The following ROR2 variants were observed in gnomAD, a reference collection of about 807,000 sequenced individuals.
ROR2 encodes ROR family WNT receptor 2.
In ROR2, 33 loss-of-function variants were observed where a neutral mutation model predicts 74.9. The ratio of observed to expected loss-of-function variants is 0.44; its 90% CI spans 0.33 to 0.59. ROR2 has a LOEUF of 0.59. ROR2 is among the 20% of genes least tolerant of loss of function. The pLI is 0.02. For missense variants in ROR2, 1,216 were observed against 1,313.8 expected (o/e 0.93, Z 1.15); for synonymous variants, 586 against 558.7 (o/e 1.05, Z -0.69).
At chr9:91,808,154 T>C (rs10992116) in intron 1 of ROR2, among the ~76,000 whole-genome samples, 19,975 of 152,136 alleles carry the variant, frequency 0.13, 2,433 homozygotes, top group East Asian at 0.31. Context: ...GTGCATATGA[T>C]GACAGTAAAA....
At chr9:91,812,550 T>C (rs1325590351) in intron 1 of ROR2, among the ~76,000 whole-genome samples, 1 of 148,464 alleles carries the variant, frequency 6.7e-6, no homozygotes, top group Non-Finnish European at 1.5e-5. Flanking sequence ...GTGTGGCCTG[T>C]CCTCCCCGCC....
chr9:91,911,729 C>CA (rs1285114928), intron 1 of ROR2, among the ~76,000 whole-genome samples: 1 of 152,034 alleles, frequency 6.6e-6, no homozygotes, highest in African/African-American at 2.4e-5. Context: ...TACTCACACT[C>CA]AAAGTATCTT....
intron 1 of ROR2, among the ~76,000 whole-genome samples, chr9:91,949,111 C>T (rs1170066625): frequency 2.0e-5 from 3 of 150,782 alleles, no homozygotes; most frequent in Admixed American, 2.0e-4. Flanking sequence ...TCCTACAGGT[C>T]CCGGGGGTCC....
intron 1 of ROR2, among the ~76,000 whole-genome samples, chr9:91,816,056 A>C (rs188490952): frequency 4.2e-4 from 64 of 152,196 alleles, no homozygotes; most frequent in Non-Finnish European, 3.1e-4. Context: ...GCTCAAGGCA[A>C]ACACCCGATG....
At chr9:91,774,880 G>T (rs57129550) in intron 2 of ROR2, among the ~76,000 whole-genome samples, 1 of 152,128 alleles carries the variant, frequency 6.6e-6, no homozygotes, top group African/African-American at 2.4e-5. Flanking sequence ...AGACCAGAAG[G>T]GTCAATTTCT....
intron 4 of ROR2, 102 bp from the exon 5 acceptor site, chr9:91,737,620 A>C (rs778904669): frequency 8.6e-6 from 13 of 1,511,668 alleles, no homozygotes; most frequent in African/African-American, 1.4e-5. Context: ...CAATTTTGTT[A>C]CTTGGTATTT....
intron 4 of ROR2, among the ~76,000 whole-genome samples, chr9:91,754,060 G>A (rs1448922537): frequency 1.3e-5 from 2 of 152,036 alleles, no homozygotes; most frequent in Non-Finnish European, 2.9e-5. Context: ...TTATGACAAG[G>A]GAGGCAGGAG....
intron 6 of ROR2, among the ~76,000 whole-genome samples, chr9:91,732,048 G>T (rs1421540200): frequency 6.6e-6 from 1 of 152,134 alleles, no homozygotes; most frequent in African/African-American, 2.4e-5. Flanking sequence ...CTTGTCCAGG[G>T]TCACAATGAG....
chr9:91,862,281 C>T (rs922430209), intron 1 of ROR2, among the ~76,000 whole-genome samples: 1 of 151,840 alleles, frequency 6.6e-6, no homozygotes, highest in Non-Finnish European at 1.5e-5. Flanking sequence ...AGTGAGCTGA[C>T]ATCACGCCAC....
At chr9:91,760,045 C>T (rs894640011) in intron 2 of ROR2, among the ~76,000 whole-genome samples, 12 of 152,234 alleles carry the variant, frequency 7.9e-5, no homozygotes, top group African/African-American at 2.9e-4. Context: ...CTCTAACCTC[C>T]CCACACTTCT....
intron 6 of ROR2, among the ~76,000 whole-genome samples, chr9:91,731,720 G>A (rs1338876922): frequency 2.6e-5 from 4 of 152,162 alleles, no homozygotes; most frequent in African/African-American, 7.2e-5. Context: ...TTCAAGACCA[G>A]CCTGGCCAAC....
intron 2 of ROR2, among the ~76,000 whole-genome samples, chr9:91,769,976 AC>A (rs999892135): frequency 6.6e-6 from 1 of 151,310 alleles, no homozygotes; most frequent in Non-Finnish European, 1.5e-5. Flanking sequence ...CCTCCCAGAA[AC>A]CCCCCGTGCC....
At position 91,748,408 on chromosome 9, in the gene ROR2, C is replaced by T. The variant is rs1055073287; in HGVS notation, c.494+7663G>A. 9.2e-5 allele frequency among the ~76,000 whole-genome samples: 14 copies of T among 152,176 alleles called. 1 individual carries two copies. Among genetic ancestry groups the T allele is most frequent in the Middle Eastern group, 3.4e-3 (1 of 294 alleles). On this transcript the variant is annotated intron_variant, in intron 4 of 8. Transcript: ENST00000375708. ...ACAATGTACACATATATCAAAACAT[C>T]GTGTTGTACACTGGAATATAGATAA... is the stretch of plus-strand genomic sequence containing the variant.
intron 4 of ROR2, among the ~76,000 whole-genome samples, chr9:91,754,183 T>A (rs1231694859): frequency 2.0e-5 from 3 of 151,506 alleles, no homozygotes; most frequent in East Asian, 1.9e-4. Flanking sequence ...TGTAAAAATA[T>A]TGTGAAATAA....
At chr9:91,920,145 A>C (rs1396790197) in intron 1 of ROR2, among the ~76,000 whole-genome samples, 2 of 152,228 alleles carry the variant, frequency 1.3e-5, no homozygotes, top group South Asian at 4.1e-4. Flanking sequence ...AATGAATTCC[A>C]TGTTCATTAA....
intron 1 of ROR2, among the ~76,000 whole-genome samples, chr9:91,937,135 G>A (rs1216427431): frequency 2.7e-5 from 4 of 150,530 alleles, no homozygotes; most frequent in Admixed American, 2.0e-4. Context: ...ATTTTTTCAA[G>A]AGCTCACAGT....
At chr9:91,893,701 C>T (rs542411666) in intron 1 of ROR2, among the ~76,000 whole-genome samples, 6 of 152,304 alleles carry the variant, frequency 3.9e-5, no homozygotes, top group East Asian at 1.9e-4. Context: ...ACTCCTTCAA[C>T]GGCCAGTGCC....
rs1313126521 is a variant in ROR2 at position 91,726,572 on chromosome 9, A to T, written c.1355T>A (p.Met452Lys). The T allele has an allele frequency of 6.2e-7, 1 of 1,613,094 alleles. No individual in the cohort carries two copies. The highest frequency in any genetic ancestry group is 1.1e-5 in the South Asian group (1 of 91,022). ...GTGCTGGTTAATGAGGGGCATTTCC[A>T]TGTCTTGGCTGGGCGAGGCCATCAG... ...RQLMASPSQD[M>K]EMPLINQHKQ... Residue 452 changes from methionine to lysine, a missense_variant, in exon 8 of 9, where the codon ATG becomes AAG. Met to Lys is a moderately conservative substitution (Grantham distance 95). Coordinates refer to ENST00000375708, the MANE Select transcript of ROR2 (RefSeq NM_004560.4).
At chr9:91,883,361 G>T (rs1830174419) in intron 1 of ROR2, 1 of 152,126 alleles carries the variant, frequency 6.6e-6, no homozygotes, top group African/African-American at 2.4e-5. Flanking sequence ...CACTCTTCAT[G>T]TTTCCCACTC....
Sources: gnomAD v4.1 joint callset for allele counts (sites outside exome capture counted in the v4.1 genomes callset) on GRCh38, gnomAD v4.1.1 for gene constraint, MANE v1.5 for transcripts, NCBI Gene and HGNC (gene_info 2026-07-23, HGNC 2026-07-21) for gene names.